Variants in KIF22 observed in about 807,000 individuals in gnomAD.
KIF22 encodes the protein kinesin-like protein KIF22.
A neutral mutation model predicts 73.0 loss-of-function variants in KIF22; 62 were observed. The ratio of observed to expected loss-of-function variants is 0.85; its 90% CI spans 0.69 to 1.05. The LOEUF (loss-of-function observed/expected upper bound fraction) is 1.05, where lower values mean the gene tolerates loss of function less well. Ranked by LOEUF, KIF22 falls within the 50% of genes least tolerant of loss-of-function variation. The pLI is 0.00. For synonymous variants in KIF22, 411 were observed against 340.1 expected, an observed-to-expected ratio of 1.21 and a Z score of -2.29; for missense variants, 854 against 870.1, an observed-to-expected ratio of 0.98 and a Z score of 0.23.
At chr16:29,790,896 A>T in intron 1 of KIF22, 67 bp downstream of exon 1, 2 of 1,551,250 alleles carry the variant, frequency 1.3e-6, no homozygotes, top group Non-Finnish European at 1.7e-6. Context: ...TATGTGTCGG[A>T]GTGTGGTCCA....
At chr16:29,804,782 C>T (rs751011752) in intron 11 of KIF22, 32 bp from the exon 12 acceptor site, 2 of 1,549,966 alleles carry the variant, frequency 1.3e-6, no homozygotes, top group African/African-American at 1.4e-5. Flanking sequence ...CTTGGCTGCC[C>T]TGCGTGTCAC....
rs754964560 is a variant in KIF22 at position 29,804,937 on chromosome 16, G to A, written c.1801G>A (p.Ala601Thr). Residue 601 changes from alanine to threonine, a missense_variant, in exon 12 of 14, where the codon GCC (alanine) becomes ACC (threonine). Physicochemically the swap from Ala to Thr is moderately conservative, Grantham distance 58. Coordinates refer to ENST00000160827, the MANE Select transcript of KIF22 (RefSeq NM_007317.3). Reference sequence around the variant, plus strand: ...ACTGGATCTGCTGAACGAAGGCTCAGCCCGAGATCTCCGCAGTCTTCAGCG... The same window carrying A: ...ACTGGATCTGCTGAACGAAGGCTCAACCCGAGATCTCCGCAGTCTTCAGCG... The part of the protein sequence containing the change: ...KILDLLNEGS[A>T]RDLRSLQRIG... 52 of 1,610,856 alleles carry A rather than the reference G, an allele frequency of 3.2e-5. No individual in the cohort carries two copies. The highest frequency in any genetic ancestry group is 3.6e-5 in the Non-Finnish European group (42 of 1,178,806).
At position 29,799,708 on chromosome 16, in the gene KIF22, C is replaced by G; in HGVS notation, c.1071C>G (p.Ser357=). ...PERRFYLDTV[S]ALNFAARSKE... is the part of the protein sequence containing the mutation. ...GACGCTTCTACCTAGACACAGTCTC[C>G]GCACTCAACTTTGCTGCCAGGTCCA... Residue 357 remains serine (S), a synonymous_variant, in exon 7 of 14, where the codon TCC becomes TCG. Transcript: ENST00000160827. 6.2e-7 allele frequency: 1 copy of G among 1,613,688 alleles called. No individual in the cohort carries two copies. Among genetic ancestry groups the G allele is most frequent in the Non-Finnish European group, 8.5e-7 (1 of 1,179,836 alleles).
At chr16:29,791,003 C>T (rs1224844161) in intron 1 of KIF22, 174 bp downstream of exon 1, 3 of 1,456,522 alleles carry the variant, frequency 2.1e-6, no homozygotes, top group East Asian at 2.5e-5. Context: ...CCCCGCCTGG[C>T]TCCTGCCTTC....
At position 29,802,769 on chromosome 16, in the gene KIF22, C is replaced by T. The variant is rs1401847243; in HGVS notation, c.1281C>T (p.Ser427=). The T allele has an allele frequency of 4.5e-6, 7 of 1,564,996 alleles. No homozygotes were observed. The highest frequency in any genetic ancestry group is 2.4e-5 in the South Asian group (2 of 83,794). ...AAPASASQKL[S]PLQKLSSMDP... ...GGGAGCAACTTCTTTTTCTGCTCAG[C>T]CCCCTACAGAAGCTAAGCAGCATGG... is the stretch of plus-strand genomic sequence containing the variant. The change falls in exon 9 of 14, where the codon AGC becomes AGT. Residue 427 remains serine (S), a splice_region_variant and synonymous_variant. Coordinates refer to ENST00000160827, the MANE Select transcript of KIF22 (RefSeq NM_007317.3).
In KIF22 at chr16:29,798,893, T is replaced by C. The variant is rs1319129519; in HGVS notation, c.550-82T>C. 11 of 1,552,578 alleles carry C rather than the reference T, an allele frequency of 7.1e-6. No individual in the cohort carries two copies. The highest frequency in any genetic ancestry group is 6.7e-5 in the Admixed American group (4 of 59,336). On this transcript the variant is annotated intron_variant, in intron 4 of 13. Transcript: ENST00000160827. The surrounding 1 kb of genome is among the most constrained non-coding windows in gnomAD (Gnocchi z 4.1). ...GTAGCAGATGGTACAACTCCGAGAA[T>C]AGAACAGAGAAAGGAAACTGATCCC... is the stretch of plus-strand genomic sequence containing the variant.
In KIF22 at chr16:29,800,067, G is replaced by A; in HGVS notation, c.1280+19G>A. ...AACTCAGGTGAGCAGTGGGGCCTTG[G>A]GTGTATCCCCTTCCTGATGTATGGC... On this transcript the variant is annotated intron_variant, in intron 8 of 13. Coordinates refer to ENST00000160827, the MANE Select transcript of KIF22 (RefSeq NM_007317.3). 1 of 1,599,056 alleles carries A rather than the reference G, an allele frequency of 6.3e-7. No individual in the cohort carries two copies. Among genetic ancestry groups the A allele is most frequent in the Non-Finnish European group, 8.5e-7 (1 of 1,176,680 alleles).
chr16:29,803,438 C>A lies in KIF22; in HGVS notation c.1450-11C>A. ...GGGTCTGGATCACATCTCCCTGATC[C>A]TTTCCAACAGAGGCTTAAGACGAAG... On this transcript the variant is annotated splice_polypyrimidine_tract_variant and intron_variant, in intron 9 of 13. Transcript: ENST00000160827. 6.2e-7 allele frequency: 1 copy of A among 1,613,810 alleles called. No homozygotes were observed. The highest frequency in any genetic ancestry group is 8.5e-7 in the Non-Finnish European group (1 of 1,179,912).
intron 1 of KIF22, among the ~76,000 whole-genome samples, chr16:29,791,721 GGTTA>G (rs1236148361): frequency 2.0e-5 from 3 of 152,344 alleles, no homozygotes; most frequent in African/African-American, 7.2e-5. Flanking sequence ...AGGAAACTGA[GGTTA>G]GTTTGTTCAG....
At chr16:29,793,235 G>T (rs1349675787) in intron 1 of KIF22, among the ~76,000 whole-genome samples, 2 of 152,186 alleles carry the variant, frequency 1.3e-5, no homozygotes, top group African/African-American at 4.8e-5. Context: ...GAGGTCAAGA[G>T]ATCGAGACCA....
chr16:29,803,983 G>A lies in KIF22; in HGVS notation c.1610-15G>A, dbSNP rs1899239666. The A allele has an allele frequency of 6.2e-7, 1 of 1,609,854 alleles. No individual in the cohort carries two copies. The highest frequency in any genetic ancestry group is 8.5e-7 in the Non-Finnish European group (1 of 1,176,144). On this transcript the variant is annotated splice_polypyrimidine_tract_variant and intron_variant, in intron 10 of 13. Transcript: ENST00000160827. The stretch of plus-strand genomic sequence containing the variant: ...ACCCTTTGCCCTGACTCCAATTCTC[G>A]ATTCCTACTTTCAGTTCAGGAGCAG...
chr16:29,805,252 CTG>C lies in KIF22; in HGVS notation c.1951-7_1951-6del, dbSNP rs757170374. 1.9e-6 allele frequency: 3 copies of C among 1,595,262 alleles called. No individual in the cohort carries two copies. Among genetic ancestry groups the C allele is most frequent in the African/African-American group, 1.3e-5 (1 of 74,800 alleles). ...TCTAACGTCGCTGTCTCCCTCCCTC[CTG>C]TGTTGCAGGCAAACATCCTGGGTCT... On this transcript the variant is annotated splice_polypyrimidine_tract_variant and intron_variant, in intron 13 of 13. Coordinates refer to ENST00000160827, the MANE Select transcript of KIF22 (RefSeq NM_007317.3).
chr16:29,804,629 C>T, intron 11 of KIF22, 185 bp from the exon 12 acceptor site: 1 of 700,592 alleles, frequency 1.4e-6, no homozygotes, highest in African/African-American at 1.7e-5. Flanking sequence ...TAGTACCTCT[C>T]TTTCACTAGT....
chr16:29,802,912 T>C lies in KIF22; in HGVS notation c.1424T>C (p.Val475Ala), dbSNP rs1555499767. ...KRERMVLMKTVEEKDLEIERL... is the reference protein window; with the variant it reads ...KRERMVLMKTAEEKDLEIERL... Reference sequence around the variant, plus strand: ...GAGCGGATGGTGCTAATGAAGACAGTGGAAGAGAAGGACCTAGAGATTGAG... The same window carrying C: ...GAGCGGATGGTGCTAATGAAGACAGCGGAAGAGAAGGACCTAGAGATTGAG... The change falls in exon 9 of 14, where the codon GTG becomes GCG. Residue 475 changes from valine to alanine, a missense_variant. Transcript: ENST00000160827. 6.2e-7 allele frequency: 1 copy of C among 1,612,594 alleles called. No individual in the cohort carries two copies. The highest frequency in any genetic ancestry group is 1.7e-5 in the Admixed American group (1 of 59,690).
chr16:29,803,203 T>G (rs1407675620), intron 9 of KIF22, among the ~76,000 whole-genome samples: 1 of 152,196 alleles, frequency 6.6e-6, no homozygotes, highest in African/African-American at 2.4e-5. Flanking sequence ...CTCAATTAAT[T>G]GAGGACTGTG....
Position 29,803,444 on chromosome 16 carries a change from A to G in KIF22, c.1450-5A>G, listed in dbSNP as rs769225153. On this transcript the variant is annotated splice_polypyrimidine_tract_variant and splice_region_variant and intron_variant, in intron 9 of 13. Coordinates refer to ENST00000160827, the MANE Select transcript of KIF22 (RefSeq NM_007317.3). ...GGATCACATCTCCCTGATCCTTTCC[A>G]ACAGAGGCTTAAGACGAAGCAAAAA... The G allele has an allele frequency of 6.2e-7, 1 of 1,613,922 alleles. No individual in the cohort carries two copies. The highest frequency in any genetic ancestry group is 1.7e-5 in the Admixed American group (1 of 59,968).
At chr16:29,800,535 C>T (rs184334132) in intron 8 of KIF22, among the ~76,000 whole-genome samples, 4 of 146,946 alleles carry the variant, frequency 2.7e-5, no homozygotes, top group African/African-American at 7.6e-5. Context: ...GAGGCCAAGA[C>T]GGGTGGATCA....
Position 29,797,124 on chromosome 16 carries a change from C to A in KIF22, c.266+36C>A. ...GGCCACTCCTCTTCCCTCATGCCAT[C>A]ACCTCCCTCTCCTAGGCCTGCCCAC... is the stretch of plus-strand genomic sequence containing the variant. On this transcript the variant is annotated intron_variant, in intron 2 of 13. Transcript: ENST00000160827. This position sits in a 1 kb window ranked among gnomAD's most constrained non-coding sequence, Gnocchi z 4.1. 2.0e-6 allele frequency: 3 copies of A among 1,479,456 alleles called. No homozygotes were observed. Among genetic ancestry groups the A allele is most frequent in the Non-Finnish European group, 2.7e-6 (3 of 1,091,372 alleles). 91.6% of individuals were successfully genotyped at this position (1,479,456 alleles called of 1,614,324 possible). A position where few individuals can be genotyped will look rare whatever the true frequency, so the allele number is the denominator to read the frequency against.
At position 29,798,288 on chromosome 16, in the gene KIF22, C is replaced by CG; in HGVS notation, c.267-86_267-85insG. 1.6e-6 allele frequency: 1 copy of CG among 625,036 alleles called. No individual in the cohort carries two copies. The highest frequency in any genetic ancestry group is 2.7e-6 in the Non-Finnish European group (1 of 377,260). 38.7% of individuals were successfully genotyped at this position (625,036 alleles called of 1,614,324 possible). Reference sequence around the variant, plus strand: ...GTCCAGATGAGAGTAGAATCCCTTACCCACCCCCACCCCACTCCACCCCTT... The same window carrying CG: ...GTCCAGATGAGAGTAGAATCCCTTACGCCACCCCCACCCCACTCCACCCCTT... On this transcript the variant is annotated intron_variant, in intron 2 of 13. Transcript: ENST00000160827. This position sits in a 1 kb window ranked among gnomAD's most constrained non-coding sequence, Gnocchi z 4.1.
Sources: gnomAD v4.1 joint callset for allele counts (sites outside exome capture counted in the v4.1 genomes callset) on GRCh38, gnomAD v4.1.1 for gene constraint, Gnocchi (gnomAD v3.1) non-coding constraint, MANE v1.5 for transcripts, NCBI Gene and HGNC (gene_info 2026-07-23, HGNC 2026-07-21) for gene names.